SUPT3H: variants seen among roughly 807,000 people sequenced by gnomAD.
The protein encoded by SUPT3H is SPT3 homolog, SAGA and STAGA complex component.
In SUPT3H, 44 loss-of-function variants were observed where a neutral mutation model predicts 44.3. That is an observed-to-expected ratio of 0.99 (90% CI 0.78 to 1.28). The LOEUF (loss-of-function observed/expected upper bound fraction) is 1.28, where lower values mean the gene tolerates loss of function less well. SUPT3H is among the 50% of genes most tolerant of loss of function. The pLI is 0.00. For synonymous variants in SUPT3H, 124 were observed against 125.6 expected (o/e 0.99, Z 0.09); for missense variants, 380 against 387.1 (o/e 0.98, Z 0.15).
intron 9 of SUPT3H, among the ~76,000 whole-genome samples, chr6:44,933,894 T>G (rs1382652597): frequency 6.6e-6 from 1 of 152,220 alleles, no homozygotes; most frequent in African/African-American, 2.4e-5. Context: ...GTGATCCTCC[T>G]GACTCAGCCT....
At chr6:45,154,450 A>T (rs555039826) in intron 2 of SUPT3H, among the ~76,000 whole-genome samples, 1 of 152,316 alleles carries the variant, frequency 6.6e-6, no homozygotes, top group African/African-American at 2.4e-5. Context: ...TCATCAAATA[A>T]TCAAGACCAA....
intron 2 of SUPT3H, among the ~76,000 whole-genome samples, chr6:45,236,142 G>A (rs1014360977): frequency 2.6e-4 from 1 of 3,898 alleles, no homozygotes; most frequent in Admixed American, 9.7e-4. Context: ...TGTGAGTCCC[G>A]ATTTCCCACT....
chr6:45,109,900 T>C (rs187441870), intron 2 of SUPT3H, among the ~76,000 whole-genome samples: 1 of 152,338 alleles, frequency 6.6e-6, no homozygotes, highest in Admixed American at 6.5e-5. Flanking sequence ...ATCCTGGGTC[T>C]TGTCCTAATC....
intron 2 of SUPT3H, among the ~76,000 whole-genome samples, chr6:45,126,480 CAAATT>C (rs1406421003): frequency 5.3e-5 from 8 of 152,116 alleles, no homozygotes; most frequent in African/African-American, 1.9e-4. Context: ...ATTTTTAAAA[CAAATT>C]AAAACGGTCA....
At chr6:45,176,052 C>T (rs1290829687) in intron 2 of SUPT3H, among the ~76,000 whole-genome samples, 1 of 152,152 alleles carries the variant, frequency 6.6e-6, no homozygotes, top group Non-Finnish European at 1.5e-5. Context: ...GTATTTAAAA[C>T]TATATCTTGG....
At chr6:45,112,255 G>C (rs1222093573) in intron 2 of SUPT3H, among the ~76,000 whole-genome samples, 1 of 151,684 alleles carries the variant, frequency 6.6e-6, no homozygotes, top group African/African-American at 2.4e-5. Context: ...GGAAAATCAT[G>C]AAATTAAGAA....
At chr6:45,351,686 T>C (rs570104651) in intron 2 of SUPT3H, among the ~76,000 whole-genome samples, 1 of 152,258 alleles carries the variant, frequency 6.6e-6, no homozygotes, top group African/African-American at 2.4e-5. Context: ...TTCTCCAAAT[T>C]GATCAACTCC....
intron 6 of SUPT3H, among the ~76,000 whole-genome samples, chr6:44,998,042 C>CT (rs1489684501): frequency 7.2e-5 from 11 of 151,824 alleles, no homozygotes; most frequent in Admixed American, 5.3e-4. Flanking sequence ...ATTGCTAATA[C>CT]TTTAAGATTT....
At chr6:45,331,028 AAAAG>A (rs1001548520) in intron 2 of SUPT3H, among the ~76,000 whole-genome samples, 2 of 152,036 alleles carry the variant, frequency 1.3e-5, no homozygotes, top group African/African-American at 4.8e-5. Flanking sequence ...AAAATAGTTA[AAAAG>A]AAAGTTTAGG....
intron 10 of SUPT3H, among the ~76,000 whole-genome samples, chr6:44,844,988 T>C (rs569792199): frequency 6.6e-6 from 1 of 152,324 alleles, no homozygotes; most frequent in East Asian, 1.9e-4. Context: ...AGGCAGGATG[T>C]ACTTGTTTGG....
chr6:44,834,863 G>A (rs529930239), intron 10 of SUPT3H, among the ~76,000 whole-genome samples: 2 of 152,222 alleles, frequency 1.3e-5, no homozygotes, highest in African/African-American at 2.4e-5. Context: ...TGGTGGAGTT[G>A]GCGGAGGGGC....
chr6:45,292,129 T>C (rs1201705612), intron 2 of SUPT3H, among the ~76,000 whole-genome samples: 1 of 152,192 alleles, frequency 6.6e-6, no homozygotes, highest in Non-Finnish European at 1.5e-5. Context: ...ATTGGGGCCC[T>C]ATCTTCAGTC....
chr6:45,271,813 A>C (rs964758146), intron 2 of SUPT3H, among the ~76,000 whole-genome samples: 1 of 152,186 alleles, frequency 6.6e-6, no homozygotes, highest in Non-Finnish European at 1.5e-5. Flanking sequence ...CCATGAAAGC[A>C]GCTGGGAGGG....
chr6:45,183,591 G>A (rs1365535171), intron 2 of SUPT3H, among the ~76,000 whole-genome samples: 1 of 152,174 alleles, frequency 6.6e-6, no homozygotes, highest in East Asian at 1.9e-4. Flanking sequence ...TCACCAAGTG[G>A]ATGGTACCAA....
intron 2 of SUPT3H, among the ~76,000 whole-genome samples, chr6:45,208,672 G>T (rs2153629409): frequency 6.8e-6 from 1 of 147,170 alleles, no homozygotes; most frequent in African/African-American, 2.5e-5. Flanking sequence ...TGCAGTGAGT[G>T]AAGATCATAC....
At chr6:44,880,926 A>C (rs1778121972) in intron 10 of SUPT3H, among the ~76,000 whole-genome samples, 1 of 152,228 alleles carries the variant, frequency 6.6e-6, no homozygotes, top group Admixed American at 6.5e-5. Flanking sequence ...TGAAGGAAGC[A>C]CTAAATATGG....
At chr6:45,359,043 G>T (rs1018241324) in intron 2 of SUPT3H, among the ~76,000 whole-genome samples, 3 of 151,986 alleles carry the variant, frequency 2.0e-5, no homozygotes, top group African/African-American at 7.2e-5. Context: ...TGAATTTCAA[G>T]AATTCATTTC....
intron 2 of SUPT3H, among the ~76,000 whole-genome samples, chr6:45,280,861 T>C (rs1239271596): frequency 6.6e-6 from 1 of 152,192 alleles, no homozygotes; most frequent in African/African-American, 2.4e-5. Flanking sequence ...ACAGAGTGGT[T>C]AAACATTCCT....
chr6:44,908,000 G>C (rs1054949121), intron 10 of SUPT3H, among the ~76,000 whole-genome samples: 2 of 152,090 alleles, frequency 1.3e-5, no homozygotes, highest in Admixed American at 6.6e-5. Context: ...AGGAGAACTT[G>C]AAAGAGTAGC....
Sources: allele counts gnomAD v4.1 joint callset (sites outside exome capture counted in the v4.1 genomes callset), GRCh38; gene constraint gnomAD v4.1.1; transcripts MANE v1.5; gene names NCBI Gene and HGNC (gene_info 2026-07-23, HGNC 2026-07-21).